Variants in RPL38 observed in about 807,000 individuals in gnomAD.
RPL38 encodes the protein ribosomal protein L38, also known as large ribosomal subunit protein eL38.
A neutral mutation model predicts 12.8 loss-of-function variants in RPL38; 2 were observed. The observed-to-expected ratio is 0.16, with a 90% CI of 0.06 to 0.49. The LOEUF is 0.49. RPL38 is among the 20% of genes least tolerant of loss of function. RPL38 has a pLI of 0.96. For synonymous variants in RPL38, 42 were observed against 30.1 expected (o/e 1.39, Z -1.29); for missense variants, 52 against 79.8 (o/e 0.65, Z 1.33).
chr17:74,203,923 G>A lies in RPL38; in HGVS notation c.-33G>A, dbSNP rs754755898. ...CCGAGGACTGTTTCCCGCAGGTCCT[G>A]GTCCGCGCCAGAGCCCAGCGCGCCT... On this transcript the variant is annotated 5_prime_UTR_variant, in exon 2 of 5. Transcript: ENST00000311111. The A allele has an allele frequency of 2.5e-6, 4 of 1,598,922 alleles. No homozygotes were observed. Among genetic ancestry groups the A allele is most frequent in the Admixed American group, 1.7e-5 (1 of 58,776 alleles).
At position 74,210,125 on chromosome 17, in the gene RPL38, T is replaced by C; in HGVS notation, c.*296T>C. On this transcript the variant is annotated 3_prime_UTR_variant, in exon 5 of 5. Coordinates refer to ENST00000311111, the MANE Select transcript of RPL38 (RefSeq NM_000999.4). Reference sequence around the variant, plus strand: ...GCCTCAGCCTCCCGAGTGGCTGGGATTACAGGCACACATCACCACGCCTGG... The same window carrying C: ...GCCTCAGCCTCCCGAGTGGCTGGGACTACAGGCACACATCACCACGCCTGG... 1 of 314,952 alleles carries C rather than the reference T, an allele frequency of 3.2e-6. No individual in the cohort carries two copies. The highest frequency in any genetic ancestry group is 5.9e-6 in the Non-Finnish European group (1 of 170,436). The allele number at this position is 314,952 out of a possible 1,614,324, so 19.5% of individuals were successfully genotyped here.
At chr17:74,208,266 C>G (rs2050133119) in intron 3 of RPL38, among the ~76,000 whole-genome samples, 2 of 152,112 alleles carry the variant, frequency 1.3e-5, no homozygotes, top group South Asian at 4.1e-4. Flanking sequence ...GTAACTACTC[C>G]TGGGAAGGGG....
At chr17:74,204,099 T>G (rs2050087631) in intron 2 of RPL38, 31 bp from the exon 3 acceptor site, 2 of 1,613,758 alleles carry the variant, frequency 1.2e-6, no homozygotes, top group Non-Finnish European at 1.7e-6. Flanking sequence ...GTCTCTTTCC[T>G]CTCTGTTCAC....
At chr17:74,204,330 C>T (rs994266919) in intron 3 of RPL38, 140 bp downstream of exon 3, 13 of 708,354 alleles carry the variant, frequency 1.8e-5, no homozygotes, top group African/African-American at 3.6e-5. Flanking sequence ...GTGGTTTCAT[C>T]CTGTTTCCCA....
chr17:74,203,886 G>C (rs2050083853), intron 1 of RPL38, 32 bp from the exon 2 acceptor site: 1 of 1,536,868 alleles, frequency 6.5e-7, no homozygotes, highest in Non-Finnish European at 8.8e-7. Context: ...CAGCCCCCGC[G>C]CCGTGTTAAC....
rs1346134459 is a variant in RPL38, at chr17:74,204,280, G to C, written c.64+90G>C. On this transcript the variant is annotated intron_variant, in intron 3 of 4. Coordinates refer to ENST00000311111, the MANE Select transcript of RPL38 (RefSeq NM_000999.4). The stretch of plus-strand genomic sequence containing the variant: ...TTCCCCGGAATGTCAGGCAGGAGAC[G>C]GTTAGGCCGTCTGGGTGTGTGCCTG... 6 of 1,193,198 alleles carry C rather than the reference G, an allele frequency of 5.0e-6. No individual in the cohort carries two copies. In the East Asian group the frequency reaches 1.4e-4, roughly 28 times the overall value. 73.9% of individuals were successfully genotyped at this position (1,193,198 alleles called of 1,614,324 possible).
intron 3 of RPL38, chr17:74,204,515 C>G (rs1157148016): frequency 7.9e-6 from 3 of 378,212 alleles, no homozygotes; most frequent in Admixed American, 4.2e-5. Context: ...CCCATAAACA[C>G]TGTTTAGGTT....
Position 74,209,976 on chromosome 17 carries a change from G to GTA in RPL38, c.*148_*149insAT. ...GCGGGTTCTGTTGCTGCCTTCCTGT[G>GTA]TCTTTTTTTTTTTTTTTTTTTCTTT... On this transcript the variant is annotated 3_prime_UTR_variant, in exon 5 of 5. Transcript: ENST00000311111. The GTA allele has an allele frequency of 3.1e-5, 13 of 414,240 alleles. No individual in the cohort carries two copies. The highest frequency in any genetic ancestry group is 1.4e-4 in the East Asian group (3 of 21,036). 25.7% of individuals were successfully genotyped at this position (414,240 alleles called of 1,614,324 possible).
chr17:74,208,747 A>G (rs902694016), intron 3 of RPL38, among the ~76,000 whole-genome samples: 4 of 152,206 alleles, frequency 2.6e-5, no homozygotes, highest in Non-Finnish European at 5.9e-5. Context: ...CATCCTGGCA[A>G]ACATGGTGAA....
chr17:74,204,234 T>TA, intron 3 of RPL38, 44 bp downstream of exon 3: 3 of 1,552,664 alleles, frequency 1.9e-6, no homozygotes, highest in Non-Finnish European at 1.8e-6. Flanking sequence ...GTGCCTAGCC[T>TA]GGCACCGCTC....
intron 3 of RPL38, among the ~76,000 whole-genome samples, chr17:74,206,727 T>G (rs2050118109): frequency 1.4e-5 from 2 of 142,074 alleles, no homozygotes; most frequent in Non-Finnish European, 3.0e-5. Flanking sequence ...TTTTTTTTTT[T>G]TTTGACATGG....
intron 1 of RPL38, 75 bp downstream of exon 1, chr17:74,203,820 G>C: frequency 8.9e-7 from 1 of 1,122,100 alleles, no homozygotes; most frequent in Non-Finnish European, 1.3e-6. Flanking sequence ...GGGAGGAGAA[G>C]GGGAGTGCGA....
intron 3 of RPL38, among the ~76,000 whole-genome samples, chr17:74,208,276 G>A (rs549091422): frequency 5.9e-5 from 9 of 152,298 alleles, no homozygotes; most frequent in African/African-American, 1.7e-4. Flanking sequence ...CTGGGAAGGG[G>A]TTGTCTCACA....
intron 3 of RPL38, among the ~76,000 whole-genome samples, chr17:74,207,893 G>A (rs1164932840): frequency 6.6e-6 from 1 of 152,188 alleles, no homozygotes; most frequent in Non-Finnish European, 1.5e-5. Context: ...ACTGAAATAG[G>A]TTAGTTTGGA....
intron 4 of RPL38, 46 bp downstream of exon 4, chr17:74,209,355 G>A (rs1374160688): frequency 6.2e-7 from 1 of 1,602,130 alleles, no homozygotes; most frequent in Admixed American, 1.7e-5. Context: ...GGTTTGGAAG[G>A]TTGCTGTGTG....
In RPL38 at chr17:74,210,034, C is replaced by G. The variant is rs1159842431; in HGVS notation, c.*205C>G. 1.3e-5 allele frequency: 7 copies of G among 520,362 alleles called. No homozygotes were observed. Among genetic ancestry groups the G allele is most frequent in the Non-Finnish European group, 2.0e-5 (6 of 298,418 alleles). 32.2% of individuals were successfully genotyped at this position (520,362 alleles called of 1,614,324 possible). A position where few individuals can be genotyped will look rare whatever the true frequency, so the allele number is the denominator to read the frequency against. On this transcript the variant is annotated 3_prime_UTR_variant, in exon 5 of 5. Transcript: ENST00000311111. ...ACGGAGTCTTGCTCTGTGGCTCATC[C>G]TGGAGCACAGTGGTGCGATATCAGC...
intron 3 of RPL38, chr17:74,204,526 C>G (rs966354211): frequency 1.2e-5 from 4 of 347,802 alleles, no homozygotes; most frequent in African/African-American, 8.4e-5. Flanking sequence ...TGTTTAGGTT[C>G]TCTGCAGTTG....
At chr17:74,207,785 C>T (rs1344352823) in intron 3 of RPL38, among the ~76,000 whole-genome samples, 1 of 152,158 alleles carries the variant, frequency 6.6e-6, no homozygotes, top group East Asian at 1.9e-4. Context: ...GGATTACAGG[C>T]GTGAACCACC....
chr17:74,206,566 C>A (rs905819305), intron 3 of RPL38, among the ~76,000 whole-genome samples: 1 of 152,318 alleles, frequency 6.6e-6, no homozygotes, highest in African/African-American at 2.4e-5. Context: ...CCCCTGGCAA[C>A]CACCTTCCAA....
Sources: gnomAD v4.1 joint callset for allele counts (sites outside exome capture counted in the v4.1 genomes callset) on GRCh38, gnomAD v4.1.1 for gene constraint, MANE v1.5 for transcripts, NCBI Gene and HGNC (gene_info 2026-07-23, HGNC 2026-07-21) for gene names.